Variants in CSMD1 observed in about 807,000 individuals in gnomAD.
The protein encoded by CSMD1 is CUB and Sushi multiple domains 1, also known as CUB and sushi domain-containing protein 1.
A neutral mutation model predicts 417.5 loss-of-function variants in CSMD1; 213 were observed. The observed-to-expected ratio is 0.51, with a 90% confidence interval of 0.46 to 0.57. The LOEUF is 0.57. Among genes scored for constraint, CSMD1 ranks in the 20% least tolerant of loss-of-function variants. CSMD1 has a pLI of 0.00. For synonymous variants in CSMD1, 2,862 were observed against 1,736.8 expected (o/e 1.65, Z -16.11); for missense variants, 6,923 against 4,529.7 (o/e 1.53, Z -15.17).
intron 2 of CSMD1, among the ~76,000 whole-genome samples, chr8:4,510,390 TAAAAAAAAAAAAAAAAAAA>T (rs34791623): frequency 1.8e-5 from 1 of 54,616 alleles, no homozygotes; most frequent in South Asian, 9.1e-4. Context: ...GCATAATGCC[TAAAAAAAAAAAAAAAAAAA>T]AAAAAAAAAA....
intron 12 of CSMD1, among the ~76,000 whole-genome samples, chr8:3,445,642 C>G (rs149409513): frequency 1.3e-5 from 2 of 152,038 alleles, no homozygotes; most frequent in South Asian, 4.2e-4. Flanking sequence ...TGGGAGACAG[C>G]TGTAATAACC....
chr8:3,163,496 C>T lies in CSMD1; in HGVS notation c.5726-1219G>A, dbSNP rs138962142. Among the ~76,000 whole-genome samples, 713 of 152,116 alleles carry T rather than the reference C, an allele frequency of 4.7e-3. 8 individuals are homozygous for T. The highest frequency in any genetic ancestry group is 0.016 in the African/African-American group (678 of 41,512). On this transcript the variant is annotated intron_variant, in intron 37 of 69. Coordinates refer to ENST00000635120, the MANE Select transcript of CSMD1 (RefSeq NM_033225.6). ...GTCCCCAGGCACAGAGAGGACGCAG[C>T]TGCCTGCACTGCCCATGGGCCGGTC...
chr8:4,899,183 T>C (rs1804700881), intron 1 of CSMD1, among the ~76,000 whole-genome samples: 1 of 152,190 alleles, frequency 6.6e-6, no homozygotes. Flanking sequence ...TTTATATGTG[T>C]GGGTATATGT....
intron 25 of CSMD1, among the ~76,000 whole-genome samples, chr8:3,298,999 T>C (rs1804179467): frequency 1.3e-5 from 2 of 152,206 alleles, no homozygotes; most frequent in Non-Finnish European, 2.9e-5. Context: ...CCTGGTACCA[T>C]GGAGTTTTGC....
At chr8:4,319,620 A>C (rs1263213294) in intron 3 of CSMD1, among the ~76,000 whole-genome samples, 2 of 152,146 alleles carry the variant, frequency 1.3e-5, no homozygotes, top group Admixed American at 6.5e-5. Flanking sequence ...GAAGAAAACA[A>C]AAGGGTGAAT....
chr8:3,707,173 A>T (rs143491943), intron 7 of CSMD1, among the ~76,000 whole-genome samples: 101 of 152,322 alleles, frequency 6.6e-4, no homozygotes, highest in African/African-American at 2.3e-3. Flanking sequence ...GAAATCCTAA[A>T]GTGATAAAGA....
chr8:3,481,255 A>T (rs1817734575), intron 11 of CSMD1, among the ~76,000 whole-genome samples: 1 of 151,974 alleles, frequency 6.6e-6, no homozygotes, highest in Non-Finnish European at 1.5e-5. Flanking sequence ...AGGAGAAAAG[A>T]AAAGAAACTT....
intron 10 of CSMD1, among the ~76,000 whole-genome samples, chr8:3,521,634 C>T (rs1797513109): frequency 6.6e-6 from 1 of 152,180 alleles, no homozygotes; most frequent in African/African-American, 2.4e-5. Context: ...GAGCAAAGTA[C>T]ATTTACAGGA....
chr8:4,358,724 A>G (rs1333777282), intron 3 of CSMD1, among the ~76,000 whole-genome samples: 1 of 152,178 alleles, frequency 6.6e-6, no homozygotes, highest in East Asian at 1.9e-4. Context: ...AATCATTAAA[A>G]TATCTCTCAA....
chr8:3,118,330 ATTTAATAT>A, intron 42 of CSMD1, 61 bp downstream of exon 42: 1 of 1,075,092 alleles, frequency 9.3e-7, no homozygotes, highest in South Asian at 1.6e-5. Context: ...GGATATGTTC[ATTTAATAT>A]TTAATGTGCT....
intron 5 of CSMD1, among the ~76,000 whole-genome samples, chr8:3,920,392 C>T (rs2129143705): frequency 6.6e-6 from 1 of 151,834 alleles, no homozygotes; most frequent in African/African-American, 2.4e-5. Flanking sequence ...TGTGTGGACA[C>T]TGTAGGTTCT....
intron 7 of CSMD1, among the ~76,000 whole-genome samples, chr8:3,667,889 C>A (rs1057330447): frequency 2.0e-5 from 3 of 152,096 alleles, no homozygotes; most frequent in African/African-American, 4.8e-5. Flanking sequence ...CAGCCAAGGC[C>A]AGATCATCAA....
chr8:3,275,064 T>C (rs1383936561), intron 26 of CSMD1, among the ~76,000 whole-genome samples: 3 of 152,220 alleles, frequency 2.0e-5, no homozygotes, highest in African/African-American at 4.8e-5. Context: ...CCGTGCCTGG[T>C]ACCTTTTGTT....
rs1054041236 is a variant in CSMD1, at chr8:2,951,287, G to T, written c.10040-12C>A. On this transcript the variant is annotated splice_polypyrimidine_tract_variant and intron_variant, in intron 65 of 69. Coordinates refer to ENST00000635120, the MANE Select transcript of CSMD1 (RefSeq NM_033225.6). ...GACATCTGAAGGAACTGTGGGAAGG[G>T]GGGAAACAGACCAATGTCAGCACAC... 6.3e-7 allele frequency: 1 copy of T among 1,594,030 alleles called. No homozygotes were observed. The highest frequency in any genetic ancestry group is 8.5e-7 in the Non-Finnish European group (1 of 1,169,822).
At chr8:3,335,113 G>C (rs2117563354) in intron 23 of CSMD1, among the ~76,000 whole-genome samples, 1 of 152,262 alleles carries the variant, frequency 6.6e-6, no homozygotes, top group South Asian at 2.1e-4. Context: ...CCCTGGAGGT[G>C]CCTGCAGTCA....
At position 4,511,344 on chromosome 8, in the gene CSMD1, G is replaced by A. The variant is rs562392777; in HGVS notation, c.303-91279C>T. ...TAGACAGCACAGGAAAGTGACCAGA[G>A]GAGGGGCATGCAGGCTTCTCCTTCG... On this transcript the variant is annotated intron_variant, in intron 2 of 69. Transcript: ENST00000635120. Among the ~76,000 whole-genome samples the A allele has an allele frequency of 2.0e-5, 3 of 152,312 alleles. No homozygotes were observed. In the East Asian group the frequency reaches 5.8e-4, roughly 29 times the overall value.
chr8:3,186,559 T>A (rs958296960), intron 36 of CSMD1, among the ~76,000 whole-genome samples: 4 of 152,186 alleles, frequency 2.6e-5, no homozygotes, highest in Admixed American at 2.6e-4. Context: ...TTTGAAGTGA[T>A]AAAATGGAAG....
chr8:4,117,829 T>C (rs762390070), intron 3 of CSMD1, among the ~76,000 whole-genome samples: 4 of 151,512 alleles, frequency 2.6e-5, no homozygotes, highest in Admixed American at 6.6e-5. Context: ...AGTTAGAACA[T>C]CTCACTTTCC....
intron 2 of CSMD1, among the ~76,000 whole-genome samples, chr8:4,439,943 T>G (rs1798370782): frequency 6.6e-6 from 1 of 152,144 alleles, no homozygotes; most frequent in Admixed American, 6.5e-5. Context: ...TGTTTACAGT[T>G]TCCACACATG....
Sources: allele counts gnomAD v4.1 joint callset (sites outside exome capture counted in the v4.1 genomes callset), GRCh38; gene constraint gnomAD v4.1.1; transcripts MANE v1.5; gene names NCBI Gene and HGNC (gene_info 2026-07-23, HGNC 2026-07-21).